The following MAMDC2 variants were observed in gnomAD, a reference collection of about 807,000 sequenced individuals.
The protein encoded by MAMDC2 is MAM domain containing 2.
MAMDC2 carries 57 observed loss-of-function variants against 89.8 expected under a neutral mutation model. The ratio of observed to expected loss-of-function variants is 0.63; its 90% CI spans 0.51 to 0.79. MAMDC2 has a LOEUF of 0.79. MAMDC2 is among the 30% of genes least tolerant of loss of function. The pLI, the probability that MAMDC2 is intolerant of heterozygous loss-of-function variation, is 0.00. For synonymous variants in MAMDC2, 313 were observed against 293.4 expected (o/e 1.07, Z -0.68); for missense variants, 800 against 820.6 (o/e 0.97, Z 0.31).
At chr9:70,177,035 T>C (rs148300218) in intron 11 of MAMDC2, among the ~76,000 whole-genome samples, 31 of 152,298 alleles carry the variant, frequency 2.0e-4, no homozygotes, top group African/African-American at 6.5e-4. Context: ...TGACCAATAA[T>C]AGAATAATTA....
At chr9:70,208,317 G>A (rs948642607) in intron 11 of MAMDC2, among the ~76,000 whole-genome samples, 1 of 152,118 alleles carries the variant, frequency 6.6e-6, no homozygotes, top group Non-Finnish European at 1.5e-5. Context: ...TTGAGCAGTG[G>A]TTTGTAGTTC....
intron 9 of MAMDC2, among the ~76,000 whole-genome samples, chr9:70,160,220 A>G (rs1453648359): frequency 6.6e-6 from 1 of 152,098 alleles, no homozygotes; most frequent in Admixed American, 6.5e-5. Flanking sequence ...TCCAGAAAAA[A>G]AAAAGAACAA....
intron 11 of MAMDC2, among the ~76,000 whole-genome samples, chr9:70,186,079 G>C (rs1554680070): frequency 6.6e-6 from 1 of 151,070 alleles, no homozygotes. Flanking sequence ...TTTTTCTTTA[G>C]CTCACAACTA....
chr9:70,053,072 G>C (rs533389048), intron 2 of MAMDC2, among the ~76,000 whole-genome samples: 1 of 152,160 alleles, frequency 6.6e-6, no homozygotes, highest in Non-Finnish European at 1.5e-5. Flanking sequence ...TATGGAGAGC[G>C]GGTGTTTCTG....
intron 11 of MAMDC2, among the ~76,000 whole-genome samples, chr9:70,211,958 C>T (rs1279915884): frequency 2.0e-5 from 3 of 152,250 alleles, no homozygotes; most frequent in African/African-American, 7.2e-5. Flanking sequence ...TGCAGAATGG[C>T]AGATGTTGCT....
chr9:70,142,377 T>C (rs571401144), intron 8 of MAMDC2, among the ~76,000 whole-genome samples: 1 of 152,202 alleles, frequency 6.6e-6, no homozygotes, highest in South Asian at 2.1e-4. Context: ...ATTCTGGGTG[T>C]GGCAGGCCAC....
intron 5 of MAMDC2, among the ~76,000 whole-genome samples, chr9:70,117,947 T>C (rs1320439641): frequency 4.6e-5 from 7 of 152,166 alleles, no homozygotes; most frequent in Admixed American, 3.9e-4. Flanking sequence ...ATAAATGATA[T>C]GAAACCACAG....
At chr9:70,109,850 T>C (rs367655245) in intron 4 of MAMDC2, 46 bp downstream of exon 4, 75 of 1,505,254 alleles carry the variant, frequency 5.0e-5, no homozygotes, top group Non-Finnish European at 6.6e-5. Flanking sequence ...AATCTTTTTC[T>C]AAAAGTTACT....
At chr9:70,130,226 G>A (rs367944924) in intron 6 of MAMDC2, among the ~76,000 whole-genome samples, 2 of 152,250 alleles carry the variant, frequency 1.3e-5, no homozygotes, top group East Asian at 3.9e-4. Flanking sequence ...TTGTGTGTGA[G>A]GGATGCAGGG....
At chr9:70,154,897 G>A (rs948178452) in intron 9 of MAMDC2, among the ~76,000 whole-genome samples, 1 of 152,004 alleles carries the variant, frequency 6.6e-6, no homozygotes, top group African/African-American at 2.4e-5. Context: ...CTTAAACTGT[G>A]CCTTTTCCTA....
At chr9:70,125,592 T>C (rs1161841519) in intron 5 of MAMDC2, among the ~76,000 whole-genome samples, 1 of 152,218 alleles carries the variant, frequency 6.6e-6, no homozygotes, top group African/African-American at 2.4e-5. Context: ...TCGATTGACT[T>C]GCATGCTATT....
intron 11 of MAMDC2, among the ~76,000 whole-genome samples, chr9:70,187,289 T>C (rs1288416174): frequency 2.6e-5 from 4 of 152,126 alleles, no homozygotes; most frequent in Admixed American, 6.6e-5. Context: ...TTTCTTTTTG[T>C]TCTCAGTTCT....
In MAMDC2 at chr9:70,109,770, A is replaced by G; in HGVS notation, c.471A>G (p.Leu157=). ...AGGGAAACACAGCCAGCATCGCACT[A>G]TTTGAAATCAAGATGACAACCGGCT... The part of the protein sequence containing the change: ...LGQGNTASIA[L]FEIKMTTGYC... Residue 157 remains leucine, a synonymous_variant, in exon 4 of 14, where the codon CTA becomes CTG. Transcript: ENST00000377182. 6.2e-7 allele frequency: 1 copy of G among 1,614,068 alleles called. No homozygotes were observed. Among genetic ancestry groups the G allele is most frequent in the Non-Finnish European group, 8.5e-7 (1 of 1,179,912 alleles).
chr9:70,105,719 C>G (rs1479638808), intron 2 of MAMDC2, among the ~76,000 whole-genome samples: 1 of 152,102 alleles, frequency 6.6e-6, no homozygotes, highest in African/African-American at 2.4e-5. Context: ...AGTGTGTGCT[C>G]TCAAAGGTTC....
At chr9:70,196,584 T>C (rs982909602) in intron 11 of MAMDC2, among the ~76,000 whole-genome samples, 1 of 151,962 alleles carries the variant, frequency 6.6e-6, no homozygotes, top group African/African-American at 2.4e-5. Context: ...CTGACAAACA[T>C]AAAAAATACT....
At chr9:70,149,936 G>A (rs2031532131) in intron 9 of MAMDC2, among the ~76,000 whole-genome samples, 1 of 152,156 alleles carries the variant, frequency 6.6e-6, no homozygotes, top group East Asian at 1.9e-4. Context: ...TCTGTGTAGT[G>A]CCCCTGCCCA....
At chr9:70,180,712 G>GT (rs1230606640) in intron 11 of MAMDC2, among the ~76,000 whole-genome samples, 2 of 152,016 alleles carry the variant, frequency 1.3e-5, no homozygotes, top group African/African-American at 2.4e-5. Context: ...ATGGGGGTTG[G>GT]TTTTTTCTTG....
chr9:70,080,348 C>T (rs1169482254), intron 2 of MAMDC2, among the ~76,000 whole-genome samples: 3 of 152,202 alleles, frequency 2.0e-5, no homozygotes, highest in Non-Finnish European at 4.4e-5. Context: ...CATATATCCA[C>T]ACACATTCAT....
At chr9:70,146,280 A>G (rs2031401882) in intron 9 of MAMDC2, among the ~76,000 whole-genome samples, 2 of 152,290 alleles carry the variant, frequency 1.3e-5, no homozygotes, top group East Asian at 3.9e-4. Context: ...TTAGGGAAAA[A>G]TGGATCTAGA....
Sources: allele counts gnomAD v4.1 joint callset (sites outside exome capture counted in the v4.1 genomes callset), GRCh38; gene constraint gnomAD v4.1.1; transcripts MANE v1.5; gene names NCBI Gene and HGNC (gene_info 2026-07-23, HGNC 2026-07-21).